PDGFRL: variants seen among roughly 807,000 people sequenced by gnomAD.
PDGFRL encodes the protein platelet derived growth factor receptor like.
A neutral mutation model predicts 37.2 loss-of-function variants in PDGFRL; 46 were observed. The observed-to-expected ratio is 1.24, with a 90% CI of 0.98 to 1.58. PDGFRL has a LOEUF of 1.58. PDGFRL is among the 40% of genes most tolerant of loss of function. The pLI is 0.00. For synonymous variants in PDGFRL, 251 were observed against 184.3 expected, an observed-to-expected ratio of 1.36 and a Z score of -2.93; for missense variants, 692 against 467.6, an observed-to-expected ratio of 1.48 and a Z score of -4.43.
intron 2 of PDGFRL, among the ~76,000 whole-genome samples, chr8:17,599,635 T>C (rs2150820162): frequency 6.6e-6 from 1 of 152,342 alleles, no homozygotes; most frequent in South Asian, 2.1e-4. Flanking sequence ...TGCCAGTAGA[T>C]GTGGCCACCT....
intron 2 of PDGFRL, among the ~76,000 whole-genome samples, chr8:17,602,555 C>T (rs1254795170): frequency 6.6e-6 from 1 of 151,848 alleles, no homozygotes; most frequent in African/African-American, 2.4e-5. Flanking sequence ...AAAGCAGATA[C>T]CCAGAATGAG....
chr8:17,581,496 T>G (rs1038529449), intron 1 of PDGFRL, among the ~76,000 whole-genome samples: 1 of 152,156 alleles, frequency 6.6e-6, no homozygotes, highest in Non-Finnish European at 1.5e-5. Context: ...CCACATCTTA[T>G]GTTGAATTTT....
At chr8:17,580,156 G>C (rs1376018405) in intron 1 of PDGFRL, among the ~76,000 whole-genome samples, 2 of 152,106 alleles carry the variant, frequency 1.3e-5, no homozygotes, top group African/African-American at 4.8e-5. Context: ...AGTAACCTGG[G>C]TTTATTTTGC....
chr8:17,624,055 T>G (rs945861482), intron 3 of PDGFRL, among the ~76,000 whole-genome samples: 2 of 152,194 alleles, frequency 1.3e-5, no homozygotes, highest in South Asian at 2.1e-4. Context: ...ATACATCATT[T>G]ATTTTTTCTT....
intron 2 of PDGFRL, among the ~76,000 whole-genome samples, chr8:17,613,372 G>A (rs1320465056): frequency 1.3e-5 from 2 of 152,148 alleles, no homozygotes; most frequent in African/African-American, 4.8e-5. Context: ...TGGATATGCT[G>A]GACAGAGGGT....
intron 4 of PDGFRL, among the ~76,000 whole-genome samples, chr8:17,632,994 T>C (rs935557168): frequency 6.6e-6 from 1 of 152,174 alleles, no homozygotes; most frequent in Admixed American, 6.5e-5. Context: ...GCTTCATAGC[T>C]TTTAACACAG....
intron 5 of PDGFRL, 76 bp downstream of exon 5, chr8:17,634,289 C>T (rs900532690): frequency 1.3e-5 from 16 of 1,207,902 alleles, no homozygotes; most frequent in Admixed American, 1.2e-4. Context: ...TTCACAGCTT[C>T]GTCCCCACCC....
At chr8:17,633,770 C>T (rs909296994) in intron 4 of PDGFRL, among the ~76,000 whole-genome samples, 1 of 152,172 alleles carries the variant, frequency 6.6e-6, no homozygotes, top group Non-Finnish European at 1.5e-5. Flanking sequence ...ACTTCTTCCC[C>T]CTCACCTCTT....
At chr8:17,586,890 G>A (rs1803830118) in intron 1 of PDGFRL, among the ~76,000 whole-genome samples, 2 of 152,162 alleles carry the variant, frequency 1.3e-5, no homozygotes, top group African/African-American at 2.4e-5. Flanking sequence ...ATATTTAATG[G>A]TTCTTGAATT....
chr8:17,629,119 G>T (rs1804805817), intron 4 of PDGFRL, among the ~76,000 whole-genome samples: 1 of 135,226 alleles, frequency 7.4e-6, no homozygotes, highest in African/African-American at 2.8e-5. Context: ...TCATAGAGAA[G>T]AGGTCTCCCT....
intron 2 of PDGFRL, among the ~76,000 whole-genome samples, chr8:17,606,617 G>A (rs557442600): frequency 7.3e-4 from 111 of 152,306 alleles, no homozygotes; most frequent in African/African-American, 2.5e-3. Context: ...GGTGGAGGCT[G>A]CAGGATACAA....
chr8:17,638,590 GTTTC>G (rs1805020695), intron 5 of PDGFRL, among the ~76,000 whole-genome samples: 2 of 151,344 alleles, frequency 1.3e-5, no homozygotes, highest in South Asian at 4.2e-4. Context: ...TAAATCCATT[GTTTC>G]TTTGTTGATG....
intron 1 of PDGFRL, among the ~76,000 whole-genome samples, chr8:17,586,155 T>C (rs1803810256): frequency 6.6e-6 from 1 of 152,182 alleles, no homozygotes; most frequent in African/African-American, 2.4e-5. Context: ...GGTTTTACTA[T>C]GTTGGCCAGG....
Position 17,642,776 on chromosome 8 carries a change from T to G in PDGFRL, c.1103T>G (p.Val368Gly). Residue 368 changes from valine to glycine, a missense_variant, in exon 6 of 6, where the codon GTA (valine) becomes GGA (glycine). Physicochemically the swap from Val to Gly is moderately radical, Grantham distance 109. Transcript: ENST00000251630. ...CAGAATCTTCAAGGACAGACCACAGTAGCTACCACTGTTGAGTTTTCCTGA... is the reference window on the plus strand; with the variant it reads ...CAGAATCTTCAAGGACAGACCACAGGAGCTACCACTGTTGAGTTTTCCTGA... ...TAQNLQGQTT[V>G]ATTVEFS is the part of the protein sequence containing the mutation. 1 of 1,607,882 alleles carries G rather than the reference T, an allele frequency of 6.2e-7. No individual in the cohort carries two copies.
intron 5 of PDGFRL, among the ~76,000 whole-genome samples, chr8:17,641,407 T>C (rs1266494191): frequency 2.0e-5 from 3 of 152,210 alleles, no homozygotes; most frequent in African/African-American, 7.2e-5. Flanking sequence ...CAGGGATCTC[T>C]GTGAGACAAA....
rs532048919 is a variant in PDGFRL at position 17,616,599 on chromosome 8, A to T, written c.354-4452A>T. On this transcript the variant is annotated intron_variant, in intron 2 of 5. Transcript: ENST00000251630. ...CTTGCCTTTTTTCTTCTCTCTGGAGACCTCCTTCCCTGGGACTGCATGCCC... is the reference window on the plus strand; with the variant it reads ...CTTGCCTTTTTTCTTCTCTCTGGAGTCCTCCTTCCCTGGGACTGCATGCCC... Among the ~76,000 whole-genome samples the T allele has an allele frequency of 2.6e-5, 4 of 151,124 alleles. No homozygotes were observed. In the East Asian group the frequency reaches 7.8e-4, roughly 29 times the overall value.
At chr8:17,598,356 CCTT>C (rs1292489337) in intron 2 of PDGFRL, among the ~76,000 whole-genome samples, 1 of 152,186 alleles carries the variant, frequency 6.6e-6, no homozygotes. Context: ...GGATCTGTGT[CCTT>C]CTTCCCTCCT....
At chr8:17,604,310 C>A (rs1028394421) in intron 2 of PDGFRL, among the ~76,000 whole-genome samples, 4 of 152,126 alleles carry the variant, frequency 2.6e-5, no homozygotes, top group Non-Finnish European at 5.9e-5. Flanking sequence ...GCACTATTCA[C>A]AATAGCAAAG....
chr8:17,637,169 C>T (rs1280895918), intron 5 of PDGFRL, among the ~76,000 whole-genome samples: 2 of 152,114 alleles, frequency 1.3e-5, no homozygotes, highest in African/African-American at 4.8e-5. Flanking sequence ...AAGTGGGCAT[C>T]CTTGTCTTGT....
Sources: gnomAD v4.1 joint callset for allele counts (sites outside exome capture counted in the v4.1 genomes callset) on GRCh38, gnomAD v4.1.1 for gene constraint, MANE v1.5 for transcripts, NCBI Gene and HGNC (gene_info 2026-07-23, HGNC 2026-07-21) for gene names.